Variants in CIMIP2A observed in about 807,000 individuals in gnomAD.
CIMIP2A encodes family with sequence similarity 166 member A.
chr9:137,252,737 G>A, the CIMIP2A span: 17 of 1,555,338 alleles, frequency 1.1e-5, no homozygotes, highest in African/African-American at 1.8e-4. Context: ...CTGCCACTCC[G>A]CTTCCAAGAC....
At chr9:137,248,643 C>T in the CIMIP2A span, among the ~76,000 whole-genome samples, 9 of 151,928 alleles carry the variant, frequency 5.9e-5, no homozygotes, top group African/African-American at 1.9e-4. Context: ...ATGAGGTGTG[C>T]AGATTGCTTG....
the CIMIP2A span, chr9:137,245,480 C>T: frequency 6.2e-6 from 10 of 1,613,746 alleles, no homozygotes; most frequent in African/African-American, 2.7e-5. Flanking sequence ...ATGTTCTCTA[C>T]CCCTGGCGGC....
chr9:137,247,360 C>T, the CIMIP2A span, among the ~76,000 whole-genome samples: 1 of 152,268 alleles, frequency 6.6e-6, no homozygotes, highest in Non-Finnish European at 1.5e-5. Flanking sequence ...ACTAGCCGGC[C>T]TCTGCCGGCT....
At chr9:137,253,543 C>T in the CIMIP2A span, 7 of 1,372,810 alleles carry the variant, frequency 5.1e-6, no homozygotes, top group Admixed American at 3.4e-5. Context: ...ATATGGCTGC[C>T]GCTGGGTCAT....
At chr9:137,253,034 G>C in the CIMIP2A span, 1 of 1,526,434 alleles carries the variant, frequency 6.6e-7, no homozygotes, top group Admixed American at 1.9e-5. Flanking sequence ...CAAGGGTTCA[G>C]GGGCCGGGGG....
the CIMIP2A span, chr9:137,252,140 G>A: frequency 2.5e-6 from 4 of 1,603,944 alleles, no homozygotes; most frequent in South Asian, 2.2e-5. Flanking sequence ...GCCGAGGTGT[G>A]TGTCCCCTCC....
the CIMIP2A span, among the ~76,000 whole-genome samples, chr9:137,246,909 G>A: frequency 2.6e-5 from 4 of 152,146 alleles, no homozygotes; most frequent in East Asian, 5.8e-4. Flanking sequence ...ACACACACAC[G>A]TTCCGTAGAG....
chr9:137,253,537 G>T, the CIMIP2A span: 1 of 1,385,016 alleles, frequency 7.2e-7, no homozygotes, highest in Non-Finnish European at 9.4e-7. Flanking sequence ...CTAGAGATAT[G>T]GCTGCCGCTG....
chr9:137,252,839 G>A, the CIMIP2A span: 1 of 1,572,956 alleles, frequency 6.4e-7, no homozygotes, highest in South Asian at 1.2e-5. Context: ...CTCTTTGCAG[G>A]CACCTGGCAA....
At chr9:137,244,141 T>A in the CIMIP2A span, 2 of 1,603,460 alleles carry the variant, frequency 1.2e-6, no homozygotes, top group South Asian at 2.2e-5. Flanking sequence ...GGCCGGGGTG[T>A]GTCCATGTGA....
chr9:137,247,832 T>A, the CIMIP2A span: 1 of 1,007,096 alleles, frequency 9.9e-7, no homozygotes, highest in Non-Finnish European at 1.5e-6. Flanking sequence ...GGGCACCTCC[T>A]GGGCCAGGCC....
At chr9:137,251,116 C>T in the CIMIP2A span, 1 of 626,704 alleles carries the variant, frequency 1.6e-6, no homozygotes, top group Non-Finnish European at 2.9e-6. Context: ...CCCAGGCGGA[C>T]CCGCTGATCA....
the CIMIP2A span, chr9:137,243,820 C>T: frequency 6.2e-6 from 10 of 1,609,806 alleles, no homozygotes; most frequent in Non-Finnish European, 8.5e-6. Flanking sequence ...CTGAGCTGGG[C>T]TTATGTGCCC....
the CIMIP2A span, among the ~76,000 whole-genome samples, chr9:137,247,266 T>C: frequency 6.6e-6 from 1 of 152,148 alleles, no homozygotes; most frequent in African/African-American, 2.4e-5. Context: ...GCCTGGGTAA[T>C]AAGAGCGAAA....
the CIMIP2A span, among the ~76,000 whole-genome samples, chr9:137,254,961 C>T: frequency 6.6e-6 from 1 of 152,210 alleles, no homozygotes; most frequent in African/African-American, 2.4e-5. Flanking sequence ...CGCCTGTGTC[C>T]GGCCCCTGCG....
the CIMIP2A span, among the ~76,000 whole-genome samples, chr9:137,254,179 T>C: frequency 6.6e-6 from 1 of 152,240 alleles, no homozygotes; most frequent in African/African-American, 2.4e-5. Context: ...AAAAAGGCTC[T>C]GGGCAGCTGC....
the CIMIP2A span, among the ~76,000 whole-genome samples, chr9:137,246,889 G>A: frequency 6.6e-6 from 1 of 152,170 alleles, no homozygotes; most frequent in African/African-American, 2.4e-5. Flanking sequence ...GTGTGTGTAT[G>A]TAGGTGCACA....
the CIMIP2A span, chr9:137,250,763 T>C: frequency 3.6e-5 from 6 of 166,928 alleles, no homozygotes; most frequent in Admixed American, 2.8e-4. Flanking sequence ...CTGCCTCTGG[T>C]GTCAGACCCA....
the CIMIP2A span, chr9:137,244,336 C>T: frequency 6.2e-7 from 1 of 1,611,124 alleles, no homozygotes; most frequent in South Asian, 1.1e-5. Context: ...GGCAGGCAAA[C>T]AGATAGTCAA....
Sources: gnomAD v4.1 joint callset for allele counts (sites outside exome capture counted in the v4.1 genomes callset) on GRCh38, gnomAD v4.1.1 for gene constraint, MANE v1.5 for transcripts, NCBI Gene and HGNC (gene_info 2026-07-23, HGNC 2026-07-21) for gene names.